Variants in POLA1 observed in about 807,000 individuals in gnomAD.
The protein encoded by POLA1 is DNA polymerase alpha catalytic subunit.
A neutral mutation model predicts 124.0 loss-of-function variants in POLA1; 15 were observed. The observed-to-expected ratio is 0.12, with a 90% CI of 0.08 to 0.19. The LOEUF (loss-of-function observed/expected upper bound fraction) is 0.19. Ranked by LOEUF, POLA1 falls within the 10% of genes least tolerant of loss-of-function variation. The pLI, the probability that POLA1 is intolerant of heterozygous loss-of-function variation, is 1.00. For missense variants in POLA1, 886 were observed against 1,103.4 expected (o/e 0.80, Z 2.79); for synonymous variants, 408 against 389.4 (o/e 1.05, Z -0.56).
chrX:24,950,858 T>C (rs1043232033), intron 36 of POLA1, among the ~76,000 whole-genome samples: 9 of 112,208 alleles, frequency 8.0e-5, no homozygotes, highest in Non-Finnish European at 1.7e-4. Flanking sequence ...TGTAGGAAAC[T>C]TAACATTCTC....
chrX:24,814,899 T>G, intron 29 of POLA1, 80 bp from the exon 30 acceptor site: 1 of 899,767 alleles, frequency 1.1e-6, no homozygotes, highest in Non-Finnish European at 1.5e-6. Flanking sequence ...GGCATTTCTC[T>G]TCCTTCTTCT....
intron 35 of POLA1, among the ~76,000 whole-genome samples, chrX:24,926,790 T>C (rs1202495932): frequency 2.7e-5 from 3 of 110,337 alleles, no homozygotes; most frequent in Non-Finnish European, 5.7e-5. Flanking sequence ...CACTCCACTC[T>C]ATACTCTCAT....
chrX:24,826,404 C>CT, intron 31 of POLA1, 23 bp from the exon 32 acceptor site: 1 of 1,144,810 alleles, frequency 8.7e-7, no homozygotes, highest in Non-Finnish European at 1.2e-6. Context: ...TTTTACGTGT[C>CT]TTTTTATCAT....
intron 36 of POLA1, among the ~76,000 whole-genome samples, chrX:24,980,249 C>T (rs778377491): frequency 3.6e-5 from 4 of 111,814 alleles, no homozygotes; most frequent in South Asian, 3.8e-4. Context: ...ACCGGGTAGA[C>T]GACCAGTTAA....
intron 34 of POLA1, among the ~76,000 whole-genome samples, chrX:24,877,440 C>A (rs1459999129): frequency 8.9e-6 from 1 of 111,755 alleles, no homozygotes; most frequent in Non-Finnish European, 1.9e-5. Flanking sequence ...ACCCCTCTGG[C>A]TGATGATCTA....
intron 12 of POLA1, among the ~76,000 whole-genome samples, chrX:24,724,813 T>C (rs921167792): frequency 8.9e-6 from 1 of 111,985 alleles, no homozygotes; most frequent in African/African-American, 3.2e-5. Context: ...GAAAGTTAAG[T>C]AAGGTTTTAT....
At chrX:24,925,177 T>G (rs781278560) in intron 35 of POLA1, among the ~76,000 whole-genome samples, 8 of 112,426 alleles carry the variant, frequency 7.1e-5, no homozygotes, top group Admixed American at 3.8e-4. Context: ...TCTATGCTTC[T>G]ACTAGAACGT....
At chrX:24,917,555 C>T (rs1042658410) in intron 35 of POLA1, among the ~76,000 whole-genome samples, 5 of 111,884 alleles carry the variant, frequency 4.5e-5, no homozygotes, top group Admixed American at 9.5e-5. Context: ...AAGACCTCTA[C>T]CGTGATTCAG....
chrX:24,876,517 A>C (rs916040573), intron 34 of POLA1, among the ~76,000 whole-genome samples: 12 of 111,330 alleles, frequency 1.1e-4, no homozygotes, highest in African/African-American at 3.9e-4. Context: ...GGAAAAAAAA[A>C]TGACTGTAGC....
chrX:24,797,905 A>C (rs2045636385), intron 26 of POLA1, among the ~76,000 whole-genome samples: 1 of 107,983 alleles, frequency 9.3e-6, no homozygotes, highest in African/African-American at 3.4e-5. Flanking sequence ...AAAATTAGCC[A>C]GGCTTGGTGG....
In POLA1 at chrX:24,749,003, T is replaced by C; in HGVS notation, c.2964+11T>C. On this transcript the variant is annotated intron_variant, in intron 26 of 36. Transcript: ENST00000379068. ...TACAAAGGAAGGGAGGTAAATGGCG[T>C]AATAACATTCACATCTCTAGATATG... is the stretch of plus-strand genomic sequence containing the variant. 1.7e-6 allele frequency: 2 copies of C among 1,181,622 alleles called. No homozygotes were observed. Among genetic ancestry groups the C allele is most frequent in the Non-Finnish European group, 2.3e-6 (2 of 868,110 alleles).
At chrX:24,910,248 A>C (rs1368184543) in intron 35 of POLA1, among the ~76,000 whole-genome samples, 1 of 103,534 alleles carries the variant, frequency 9.7e-6, no homozygotes, top group Non-Finnish European at 2.0e-5. Flanking sequence ...CTCCTGTCTA[A>C]TTGCCCTGGC....
intron 36 of POLA1, among the ~76,000 whole-genome samples, chrX:24,932,791 T>A (rs1030486344): frequency 1.8e-5 from 2 of 112,144 alleles, no homozygotes; most frequent in African/African-American, 6.5e-5. Context: ...AGTTTCCTGC[T>A]GTTTATTTAT....
chrX:24,971,405 A>G, intron 36 of POLA1, among the ~76,000 whole-genome samples: 1 of 112,944 alleles, frequency 8.9e-6, no homozygotes, highest in African/African-American at 3.2e-5. Context: ...CAAGAAAGAA[A>G]GCCTCTTTTG....
intron 36 of POLA1, among the ~76,000 whole-genome samples, chrX:24,952,472 G>A (rs746850414): frequency 1.3e-4 from 14 of 111,062 alleles, no homozygotes; most frequent in South Asian, 1.1e-3. Flanking sequence ...GTAGTGTCTC[G>A]AATACATTTA....
At chrX:24,815,477 G>A (rs991104266) in intron 30 of POLA1, among the ~76,000 whole-genome samples, 1 of 111,119 alleles carries the variant, frequency 9.0e-6, no homozygotes, top group Non-Finnish European at 1.9e-5. Context: ...GTTGTTTGGA[G>A]TGTAGGCCTG....
intron 23 of POLA1, chrX:24,744,667 A>G: frequency 3.2e-6 from 1 of 314,262 alleles, no homozygotes; most frequent in South Asian, 3.0e-5. Context: ...AGAATAAATT[A>G]CTCTACCAGG....
chrX:24,854,169 C>T (rs1396839891), intron 34 of POLA1, among the ~76,000 whole-genome samples: 1 of 111,079 alleles, frequency 9.0e-6, no homozygotes, highest in East Asian at 2.8e-4. Flanking sequence ...CCTCAGCCTC[C>T]TGAGTACCTG....
At chrX:24,752,831 A>G (rs1932390572) in intron 26 of POLA1, among the ~76,000 whole-genome samples, 1 of 111,416 alleles carries the variant, frequency 9.0e-6, no homozygotes, top group Non-Finnish European at 1.9e-5. Flanking sequence ...GTAATTTATC[A>G]TAGCAAGTTA....
Sources: gnomAD v4.1 joint callset for allele counts (sites outside exome capture counted in the v4.1 genomes callset) on GRCh38, gnomAD v4.1.1 for gene constraint, MANE v1.5 for transcripts, NCBI Gene and HGNC (gene_info 2026-07-23, HGNC 2026-07-21) for gene names.